The following MGAT5 variants were observed in gnomAD, a reference collection of about 807,000 sequenced individuals.
The protein encoded by MGAT5 is alpha-1,6-mannosylglycoprotein 6-beta-N-acetylglucosaminyltransferase.
Under a neutral mutation model 94.3 loss-of-function variants are expected in MGAT5, and 30 were observed. The observed-to-expected ratio is 0.32, with a 90% CI of 0.24 to 0.43. The LOEUF (loss-of-function observed/expected upper bound fraction) is 0.43, where lower values mean the gene tolerates loss of function less well. MGAT5 is among the 20% of genes least tolerant of loss of function. MGAT5 has a pLI of 1.00. For synonymous variants in MGAT5, 310 were observed against 322.9 expected, an observed-to-expected ratio of 0.96 and a Z score of 0.43; for missense variants, 691 against 905.5, an observed-to-expected ratio of 0.76 and a Z score of 3.04.
chr2:134,182,911 C>T (rs368873333), intron 1 of MGAT5, among the ~76,000 whole-genome samples: 8 of 151,390 alleles, frequency 5.3e-5, no homozygotes, highest in East Asian at 1.9e-4. Context: ...CTCAGCCTCC[C>T]GAGTAGCTGT....
chr2:134,296,034 T>C (rs529656863), intron 2 of MGAT5, among the ~76,000 whole-genome samples: 14 of 152,288 alleles, frequency 9.2e-5, no homozygotes, highest in African/African-American at 2.6e-4. Flanking sequence ...CATGCAAACA[T>C]GTTTGTTCTT....
chr2:134,442,973 G>T (rs560359197), intron 15 of MGAT5, among the ~76,000 whole-genome samples: 39 of 152,262 alleles, frequency 2.6e-4, no homozygotes, highest in African/African-American at 9.4e-4. Flanking sequence ...TGGGGCTCAG[G>T]GCTCACCTGT....
At chr2:134,198,243 C>G (rs1299135599) in intron 1 of MGAT5, among the ~76,000 whole-genome samples, 1 of 152,216 alleles carries the variant, frequency 6.6e-6, no homozygotes, top group Non-Finnish European at 1.5e-5. Flanking sequence ...TTCACCAGCC[C>G]TCAGTTGCCC....
At chr2:134,120,798 A>G (rs1038749198) in intron 1 of MGAT5, among the ~76,000 whole-genome samples, 1 of 151,412 alleles carries the variant, frequency 6.6e-6, no homozygotes, top group Non-Finnish European at 1.5e-5. Context: ...AGGAAGGAAG[A>G]AGGAGGGAGG....
At chr2:134,142,766 G>GT (rs1359763166) in intron 1 of MGAT5, among the ~76,000 whole-genome samples, 1 of 152,138 alleles carries the variant, frequency 6.6e-6, no homozygotes, top group African/African-American at 2.4e-5. Flanking sequence ...TTTGTTTTTT[G>GT]TTTTTTAACT....
Position 134,140,720 on chromosome 2 carries a change from T to G in MGAT5, c.-143+20429T>G, listed in dbSNP as rs201633528. Among the ~76,000 whole-genome samples, 13 of 152,346 alleles carry G rather than the reference T, an allele frequency of 8.5e-5. No homozygotes were observed. The East Asian group carries it at 1.9e-3, about 23-fold the overall frequency. On this transcript the variant is annotated intron_variant, in intron 1 of 16. Transcript: ENST00000409645. ...GTACCAGGCAGTGTTCTGGATACTTTCCATTGATTTATCTATTCATGAAAT... is the reference window on the plus strand; with the variant it reads ...GTACCAGGCAGTGTTCTGGATACTTGCCATTGATTTATCTATTCATGAAAT...
rs183728310 is a variant in MGAT5 at position 134,224,124 on chromosome 2, G to C, written c.-142-30138G>C. ...CTGAACATGGGTTTGAGCAATGCTCGTCATGGCATTTATTTATTGTTCCCA... is the reference window on the plus strand; with the variant it reads ...CTGAACATGGGTTTGAGCAATGCTCCTCATGGCATTTATTTATTGTTCCCA... On this transcript the variant is annotated intron_variant, in intron 1 of 16. Coordinates refer to the MGAT5 transcript ENST00000409645. Among the ~76,000 whole-genome samples, 8 of 152,198 alleles carry C rather than the reference G, an allele frequency of 5.3e-5. No individual in the cohort carries two copies. In the East Asian group the frequency reaches 1.3e-3, roughly 26 times the overall value.
intron 1 of MGAT5, among the ~76,000 whole-genome samples, chr2:134,136,499 A>T (rs1686417796): frequency 6.6e-6 from 1 of 152,150 alleles, no homozygotes; most frequent in African/African-American, 2.4e-5. Context: ...TCCCAGAGGC[A>T]AAGGTTGCAG....
At chr2:134,408,275 C>G (rs1411986001) in intron 11 of MGAT5, among the ~76,000 whole-genome samples, 6 of 152,200 alleles carry the variant, frequency 3.9e-5, no homozygotes. Context: ...TGAACATGTT[C>G]AGCATCTACA....
At chr2:134,158,971 T>C (rs908331994) in intron 1 of MGAT5, among the ~76,000 whole-genome samples, 17 of 152,182 alleles carry the variant, frequency 1.1e-4, no homozygotes, top group African/African-American at 4.1e-4. Context: ...CACACCAAAT[T>C]CTAAATATGA....
At position 134,321,556 on chromosome 2, in the gene MGAT5, G is replaced by A. The variant is rs181629579; in HGVS notation, c.573+2817G>A. Among the ~76,000 whole-genome samples, 179 of 152,290 alleles carry A rather than the reference G, an allele frequency of 1.2e-3. 1 individual carries two copies. The highest frequency in any genetic ancestry group is 4.1e-3 in the African/African-American group (172 of 41,570). ...GGGGAAGGGAAGTAGAGAGGAATAC[G>A]GGATGAAGAGACATGATGGATCACA... On this transcript the variant is annotated intron_variant, in intron 4 of 15. Transcript: ENST00000281923.
chr2:134,412,830 C>T, intron 11 of MGAT5, 39 bp from the exon 12 acceptor site: 1 of 1,610,870 alleles, frequency 6.2e-7, no homozygotes, highest in Non-Finnish European at 8.5e-7. Context: ...ATGGTCCTGC[C>T]TGATGTGTTC....
intron 1 of MGAT5, among the ~76,000 whole-genome samples, chr2:134,247,510 G>A (rs1275663992): frequency 6.6e-6 from 1 of 152,034 alleles, no homozygotes; most frequent in African/African-American, 2.4e-5. Flanking sequence ...AAATTGATAC[G>A]TATATTGATT....
intron 10 of MGAT5, among the ~76,000 whole-genome samples, chr2:134,387,751 G>A (rs138094295): frequency 1.3e-5 from 2 of 152,050 alleles, no homozygotes; most frequent in Non-Finnish European, 1.5e-5. Context: ...TTTGGTGAAG[G>A]GGAACAAAAA....
intron 11 of MGAT5, among the ~76,000 whole-genome samples, chr2:134,407,971 C>T (rs925974547): frequency 6.6e-6 from 1 of 152,192 alleles, no homozygotes; most frequent in African/African-American, 2.4e-5. Flanking sequence ...CAGTAACAGC[C>T]ATTATCTCTC....
chr2:134,149,928 A>T (rs981157956), intron 1 of MGAT5, among the ~76,000 whole-genome samples: 2 of 152,192 alleles, frequency 1.3e-5, no homozygotes, highest in African/African-American at 4.8e-5. Context: ...TTACCCAAAG[A>T]TGTGGCACCC....
chr2:134,343,357 C>T (rs563343947), intron 7 of MGAT5, among the ~76,000 whole-genome samples: 1 of 152,196 alleles, frequency 6.6e-6, no homozygotes, highest in East Asian at 1.9e-4. Flanking sequence ...TATTGGAGGG[C>T]CTGCTATCTG....
rs1573846918 is a variant in MGAT5 at position 134,336,430 on chromosome 2, T to C, written c.645+142T>C. 17 of 666,744 alleles carry C rather than the reference T, an allele frequency of 2.5e-5. No individual in the cohort carries two copies. In the East Asian group the frequency reaches 4.7e-4, roughly 18 times the overall value. 41.3% of individuals were successfully genotyped at this position (666,744 alleles called of 1,614,324 possible). ...ACTTCTGTATTCGTCTCTGTGGAAG[T>C]CTAAGTGACTAAATCAGTCAACCAT... On this transcript the variant is annotated intron_variant, in intron 5 of 15. Coordinates refer to ENST00000281923, the MANE Select transcript of MGAT5 (RefSeq NM_002410.5).
chr2:134,318,948 CT>C (rs1307668705), intron 4 of MGAT5, among the ~76,000 whole-genome samples: 1 of 152,116 alleles, frequency 6.6e-6, no homozygotes, highest in Non-Finnish European at 1.5e-5. Context: ...TAGCTATTTC[CT>C]TTTTTTCTAG....
Sources: gnomAD v4.1 joint callset for allele counts (sites outside exome capture counted in the v4.1 genomes callset) on GRCh38, gnomAD v4.1.1 for gene constraint, MANE v1.5 for transcripts, NCBI Gene and HGNC (gene_info 2026-07-23, HGNC 2026-07-21) for gene names.